The following SEC14L3 variants were observed in gnomAD, a reference collection of about 807,000 sequenced individuals.
SEC14L3 encodes SEC14 like lipid binding 3.
In SEC14L3, 56 loss-of-function variants were observed where a neutral mutation model predicts 57.4. The ratio of observed to expected loss-of-function variants is 0.97; its 90% CI spans 0.79 to 1.22. SEC14L3 has a LOEUF of 1.22. SEC14L3 is among the 50% of genes most tolerant of loss of function. SEC14L3 has a pLI of 0.00. For synonymous variants in SEC14L3, 173 were observed against 194.4 expected, an observed-to-expected ratio of 0.89 and a Z score of 0.92; for missense variants, 485 against 511.7, an observed-to-expected ratio of 0.95 and a Z score of 0.50.
rs374588240 is a variant in SEC14L3 at position 30,470,040 on chromosome 22, G to C, written c.213C>G (p.Ile71Met). ...EFRKTMDIDH[I>M]LDWQPPEVIQ... ...TCACCTCTGGGGGCTGCCAATCAAGGATATGGTCAATATCCATGGTCTTCC... is the reference window on the plus strand; with the variant it reads ...TCACCTCTGGGGGCTGCCAATCAAGCATATGGTCAATATCCATGGTCTTCC... Residue 71 changes from isoleucine to methionine, a missense_variant, in exon 4 of 12, where the codon ATC becomes ATG. Ile to Met is a conservative substitution (Grantham distance 10). Coordinates refer to ENST00000215812, the MANE Select transcript of SEC14L3 (RefSeq NM_174975.5). 6.3e-7 allele frequency: 1 copy of C among 1,583,464 alleles called. No homozygotes were observed. The highest frequency in any genetic ancestry group is 1.4e-5 in the African/African-American group (1 of 74,032).
At chr22:30,468,972 T>G in intron 4 of SEC14L3, 1 of 1,422,402 alleles carries the variant, frequency 7.0e-7, no homozygotes, top group Non-Finnish European at 9.2e-7. Flanking sequence ...TGGAGAAGAG[T>G]CGGGTTTAGT....
rs1217289058 is a variant in SEC14L3, at chr22:30,460,053, G to A, written c.1171C>T (p.Gln391Ter). 6.2e-7 allele frequency: 1 copy of A among 1,614,138 alleles called. No individual in the cohort carries two copies. The highest frequency in any genetic ancestry group is 8.5e-7 in the Non-Finnish European group (1 of 1,180,008). ...VEVLLPDEGM[Q>*]KYDKELTPV Reference sequence around the variant, plus strand: ...GGGGTGAGCTCCTTATCATATTTCTGCATGCCCTCGTCAGGGAGCAGGACC... The same window carrying A: ...GGGGTGAGCTCCTTATCATATTTCTACATGCCCTCGTCAGGGAGCAGGACC... The change falls in exon 12 of 12, where the codon CAG becomes TAG. Residue 391 changes from glutamine (Q) to a stop codon, truncating the protein, a stop_gained. Transcript: ENST00000215812. LOFTEE classifies it high-confidence loss of function.
At chr22:30,470,337 G>A in intron 2 of SEC14L3, 82 bp from the exon 3 acceptor site, 1 of 1,591,244 alleles carries the variant, frequency 6.3e-7, no homozygotes, top group Non-Finnish European at 8.6e-7. Flanking sequence ...GGAGGACACT[G>A]GGGGCCTGGG....
At chr22:30,452,074 G>T (rs1435677436) in intron 12 of SEC14L3, among the ~76,000 whole-genome samples, 1 of 151,228 alleles carries the variant, frequency 6.6e-6, no homozygotes, top group Non-Finnish European at 1.5e-5. Flanking sequence ...GCTGGAATTG[G>T]TTGGAACCAA....
At chr22:30,470,626 C>A in intron 1 of SEC14L3, 44 bp from the exon 2 acceptor site, 1 of 1,613,530 alleles carries the variant, frequency 6.2e-7, no homozygotes, top group Admixed American at 1.7e-5. Context: ...TCACATTGAG[C>A]CTTGGCCTCC....
intron 8 of SEC14L3, among the ~76,000 whole-genome samples, chr22:30,463,179 C>T (rs2146108079): frequency 6.6e-6 from 1 of 152,336 alleles, no homozygotes; most frequent in South Asian, 2.1e-4. Flanking sequence ...AGTCAGACCT[C>T]CTAGTGGGGG....
At chr22:30,448,760 T>C in exon 13 of SEC14L3, 1 of 227,560 alleles carries the variant, frequency 4.4e-6, no homozygotes, top group Non-Finnish European at 8.5e-6. Flanking sequence ...GGCATGGTGA[T>C]GTGTACCTGT....
chr22:30,465,590 A>C (rs571919341), intron 7 of SEC14L3, among the ~76,000 whole-genome samples: 1 of 152,330 alleles, frequency 6.6e-6, no homozygotes, highest in Admixed American at 6.5e-5. Flanking sequence ...CCAAACAACA[A>C]ACCAGGCAAC....
chr22:30,471,092 C>T (rs1935594246), intron 1 of SEC14L3: 1 of 333,498 alleles, frequency 3.0e-6, no homozygotes, highest in Non-Finnish European at 5.8e-6. Context: ...TGAGACCAGC[C>T]TGGCCAACAT....
chr22:30,454,964 GATATAT>G (rs1935079144), downstream of SEC14L3, among the ~76,000 whole-genome samples: 1 of 37,244 alleles, frequency 2.7e-5, no homozygotes, highest in East Asian at 1.2e-3. Flanking sequence ...TCATATAATA[GATATAT>G]AATATATTAT....
In SEC14L3 at chr22:30,459,440, C is replaced by G; in HGVS notation, c.*581G>C. ...TCAAAAGACAGCCACTGCCAGAAATCTGGAGACTGAATTGTCTGGGTCTCC... is the reference window on the plus strand; with the variant it reads ...TCAAAAGACAGCCACTGCCAGAAATGTGGAGACTGAATTGTCTGGGTCTCC... On this transcript the variant is annotated 3_prime_UTR_variant, in exon 12 of 12. Transcript: ENST00000215812. 3 of 985,444 alleles carry G rather than the reference C, an allele frequency of 3.0e-6. No homozygotes were observed. Among genetic ancestry groups the G allele is most frequent in the Non-Finnish European group, 3.6e-6 (3 of 829,970 alleles). The allele number at this position is 985,444 out of a possible 1,614,324, so 61.0% of individuals were successfully genotyped here.
downstream of SEC14L3, among the ~76,000 whole-genome samples, chr22:30,457,681 C>A (rs1260217477): frequency 9.2e-6 from 1 of 108,286 alleles, no homozygotes; most frequent in African/African-American, 4.4e-5. Context: ...CTGCACCTGG[C>A]CATGCTTTTT....
intron 8 of SEC14L3, 78 bp downstream of exon 8, chr22:30,464,742 G>C: frequency 7.4e-7 from 1 of 1,348,054 alleles, no homozygotes; most frequent in Non-Finnish European, 1.1e-6. Context: ...AATGTGTGGA[G>C]TTCTAGATGG....
chr22:30,469,657 G>C, intron 4 of SEC14L3, among the ~76,000 whole-genome samples: 1 of 152,316 alleles, frequency 6.6e-6, no homozygotes, highest in African/African-American at 2.4e-5. Context: ...GGCTAACCGT[G>C]GTGGTTACGA....
In SEC14L3 at chr22:30,470,065, C is replaced by T. The variant is rs761871849; in HGVS notation, c.188G>A (p.Arg63Gln). The T allele has an allele frequency of 2.1e-5, 33 of 1,596,924 alleles. No individual in the cohort carries two copies. Among genetic ancestry groups the T allele is most frequent in the Non-Finnish European group, 2.3e-5 (27 of 1,170,776 alleles). Reference sequence around the variant, plus strand: ...GATATGGTCAATATCCATGGTCTTCCGGAACTCCATGTACTGAAAGGGAAA... The same window carrying T: ...GATATGGTCAATATCCATGGTCTTCTGGAACTCCATGTACTGAAAGGGAAA... Reference protein sequence around the residue: ...EALLRKYMEFRKTMDIDHILD... With the variant: ...EALLRKYMEFQKTMDIDHILD... Residue 63 changes from arginine (R) to glutamine (Q), a missense_variant, in exon 4 of 12, where the codon CGG (arginine) becomes CAG (glutamine). Physicochemically the swap from Arg to Gln is conservative, Grantham distance 43. Transcript: ENST00000215812.
downstream of SEC14L3, among the ~76,000 whole-genome samples, chr22:30,457,140 G>A (rs1050657864): frequency 6.6e-6 from 1 of 151,792 alleles, no homozygotes; most frequent in Non-Finnish European, 1.5e-5. Context: ...CCTGTCCCCC[G>A]ACCCTGCATC....
exon 13 of SEC14L3, chr22:30,449,045 G>A (rs1349022243): frequency 2.4e-5 from 37 of 1,535,550 alleles, no homozygotes; most frequent in Non-Finnish European, 3.1e-5. Context: ...CGTAGGGGGT[G>A]AGTCCTCTTA....
intron 11 of SEC14L3, 191 bp from the exon 12 acceptor site, chr22:30,460,333 C>A (rs1569227640): frequency 4.3e-6 from 4 of 940,052 alleles, no homozygotes; most frequent in Non-Finnish European, 3.8e-6. Flanking sequence ...CAGACACCAA[C>A]CTCCTCTTGG....
intron 11 of SEC14L3, among the ~76,000 whole-genome samples, chr22:30,460,914 T>C (rs751763817): frequency 1.8e-4 from 27 of 151,886 alleles, no homozygotes; most frequent in South Asian, 1.0e-3. Context: ...CCTTCCCAGA[T>C]TGGTCAGACT....
Sources: gnomAD v4.1 joint callset for allele counts (sites outside exome capture counted in the v4.1 genomes callset) on GRCh38, gnomAD v4.1.1 for gene constraint, MANE v1.5 for transcripts, NCBI Gene and HGNC (gene_info 2026-07-23, HGNC 2026-07-21) for gene names.